EXO1: variants seen among roughly 807,000 people sequenced by gnomAD.
The protein encoded by EXO1 is exonuclease 1.
In EXO1, 69 loss-of-function variants were observed where a neutral mutation model predicts 84.5. That is an observed-to-expected ratio of 0.82 (90% CI 0.67 to 1.00). The LOEUF (loss-of-function observed/expected upper bound fraction) is 1.00, where lower values mean the gene tolerates loss of function less well. Among genes scored for constraint, EXO1 ranks in the 50% least tolerant of loss-of-function variants. EXO1 has a pLI of 0.00. For missense variants in EXO1, 1,045 were observed against 1,000.7 expected (o/e 1.04, Z -0.60); for synonymous variants, 373 against 366.1 (o/e 1.02, Z -0.21).
Position 241,879,430 on chromosome 1 carries a change from T to C in EXO1, c.2109+87T>C, listed in dbSNP as rs139127759. On this transcript the variant is annotated intron_variant, in intron 13 of 15. Transcript: ENST00000366548. ...TCAAACTGAGGAAATTTTTCCTACATGTGAATGACGAGCTATATTATTTTT... is the reference window on the plus strand; with the variant it reads ...TCAAACTGAGGAAATTTTTCCTACACGTGAATGACGAGCTATATTATTTTT... 6.2e-3 allele frequency: 4,710 copies of C among 754,340 alleles called. 24 individuals carry two copies. The highest frequency in any genetic ancestry group is 8.6e-3 in the Non-Finnish European group (3,873 of 451,486). The allele number at this position is 754,340 out of a possible 1,614,324, so 46.7% of individuals were successfully genotyped here. A position where few individuals can be genotyped will look rare whatever the true frequency, so the allele number is the denominator to read the frequency against.
rs79036854 is a variant in EXO1, at chr1:241,853,435, C to T, written c.359C>T (p.Thr120Ile). 1 of 1,613,934 alleles carries T rather than the reference C, an allele frequency of 6.2e-7. No homozygotes were observed. Among genetic ancestry groups the T allele is most frequent in the African/African-American group, 1.3e-5 (1 of 74,992 alleles). Reference protein sequence around the residue: ...GKVSEARECFTRSINITHAMA... With the variant: ...GKVSEARECFIRSINITHAMA... Reference sequence around the variant, plus strand: ...GTCTCGGAAGCTCGAGAGTGTTTCACCCGGTCTATCAATATCACACATGCC... The same window carrying T: ...GTCTCGGAAGCTCGAGAGTGTTTCATCCGGTCTATCAATATCACACATGCC... Residue 120 changes from threonine (T) to isoleucine (I), a missense_variant, in exon 6 of 16, where the codon ACC becomes ATC. Thr to Ile is a moderately conservative substitution (Grantham distance 89). Transcript: ENST00000366548.
At position 241,867,014 on chromosome 1, in the gene EXO1, A is replaced by C; in HGVS notation, c.1226A>C (p.Asn409Thr). 2 of 1,614,104 alleles carry C rather than the reference A, an allele frequency of 1.2e-6. No homozygotes were observed. Among genetic ancestry groups the C allele is most frequent in the Non-Finnish European group, 1.7e-6 (2 of 1,179,952 alleles). Residue 409 changes from asparagine to threonine, a missense_variant, in exon 11 of 16, where the codon AAT becomes ACT. Coordinates refer to ENST00000366548, the MANE Select transcript of EXO1 (RefSeq NM_130398.4). ...CGAGTGATTAGTACTAAAGGGTTAA[A>C]TCTCCCAAGGAAATCATCCATTGTG... Reference protein sequence around the residue: ...VERVISTKGLNLPRKSSIVKR... With the variant: ...VERVISTKGLTLPRKSSIVKR...
chr1:241,861,516 G>T lies in EXO1; in HGVS notation c.1041+14G>T, dbSNP rs1346363567. 3 of 1,352,774 alleles carry T rather than the reference G, an allele frequency of 2.2e-6. No individual in the cohort carries two copies. Among genetic ancestry groups the T allele is most frequent in the South Asian group, 2.3e-5 (2 of 85,850 alleles). The allele number at this position is 1,352,774 out of a possible 1,614,324, so 83.8% of individuals were successfully genotyped here. On this transcript the variant is annotated intron_variant, in intron 10 of 15. Coordinates refer to ENST00000366548, the MANE Select transcript of EXO1 (RefSeq NM_130398.4). ...GACACTGCTATGGTAACGTTTTGAT[G>T]ACCACCCTATGAAAACACGTTTTAG...
intron 6 of EXO1, among the ~76,000 whole-genome samples, chr1:241,855,483 A>C (rs1411211131): frequency 6.6e-6 from 1 of 152,190 alleles, no homozygotes; most frequent in African/African-American, 2.4e-5. Context: ...AAGATTCTCC[A>C]AGGCCCCACC....
At position 241,848,514 on chromosome 1, in the gene EXO1, T is replaced by A. The variant is rs1475584153; in HGVS notation, c.-420+161T>A. ...CCAACAGCGGAGCCCTTAGCCTGAG[T>A]GGAGTATGTGTTTTGTTCCGAGGGG... On this transcript the variant is annotated intron_variant, in intron 1 of 15. Transcript: ENST00000366548. This position sits in a 1 kb window ranked among gnomAD's most constrained non-coding sequence, Gnocchi z 4.2. 6.6e-6 allele frequency among the ~76,000 whole-genome samples: 1 copy of A among 151,714 alleles called. No homozygotes were observed. Among genetic ancestry groups the A allele is most frequent in the Non-Finnish European group, 1.5e-5 (1 of 67,922 alleles).
intron 12 of EXO1, among the ~76,000 whole-genome samples, chr1:241,874,142 A>AT (rs1662266112): frequency 6.6e-6 from 1 of 152,160 alleles, no homozygotes; most frequent in African/African-American, 2.4e-5. Context: ...GCTCATGCCT[A>AT]TAATCCCAGC....
chr1:241,862,037 C>A (rs1015089001), intron 10 of EXO1, among the ~76,000 whole-genome samples: 2 of 152,168 alleles, frequency 1.3e-5, no homozygotes, highest in East Asian at 3.9e-4. Context: ...CTCCCAGGTT[C>A]GAGCAATTCT....
intron 14 of EXO1, among the ~76,000 whole-genome samples, chr1:241,882,696 ATGTGTTTAACCTCATTTGTTTAACCG>A (rs952737860): frequency 1.3e-5 from 2 of 152,154 alleles, no homozygotes; most frequent in Non-Finnish European, 2.9e-5. Context: ...GTTGATTAAT[ATGTGTTTAACCTCATTTGTTTAACCG>A]TATGTTTAAC....
intron 11 of EXO1, among the ~76,000 whole-genome samples, chr1:241,870,700 T>C (rs1662034476): frequency 6.6e-6 from 1 of 152,244 alleles, no homozygotes; most frequent in South Asian, 2.1e-4. Context: ...TAATCTTAAT[T>C]CATTTTAGTT....
intron 11 of EXO1, among the ~76,000 whole-genome samples, chr1:241,868,789 C>T (rs1257700212): frequency 6.6e-6 from 1 of 152,146 alleles, no homozygotes; most frequent in African/African-American, 2.4e-5. Context: ...TGCTTTGTAG[C>T]TTTCATTGTA....
At chr1:241,882,293 T>C (rs571153317) in intron 14 of EXO1, among the ~76,000 whole-genome samples, 61 of 152,244 alleles carry the variant, frequency 4.0e-4, no homozygotes, top group East Asian at 2.1e-3. Flanking sequence ...AATCCCCTTA[T>C]TTTTGTCATT....
At position 241,866,835 on chromosome 1, in the gene EXO1, C is replaced by T. The variant is rs183040380; in HGVS notation, c.1047C>T (p.Ala349=). The change falls in exon 11 of 16, where the codon GCC becomes GCT. Residue 349 remains alanine, a synonymous_variant. Transcript: ENST00000366548. The part of the protein sequence containing the change: ...DDYNPDTAMP[A]HSRSHSWDDK... ...TTTTCCTTTTCCTTTTCTAGCCTGC[C>T]CATTCAAGAAGTCATAGTTGGGATG... is the stretch of plus-strand genomic sequence containing the variant. 5 of 1,604,056 alleles carry T rather than the reference C, an allele frequency of 3.1e-6. No homozygotes were observed. The highest frequency in any genetic ancestry group is 1.7e-5 in the Admixed American group (1 of 59,986).
intron 11 of EXO1, among the ~76,000 whole-genome samples, chr1:241,867,994 G>A (rs1356936944): frequency 6.7e-6 from 1 of 150,234 alleles, no homozygotes; most frequent in Non-Finnish European, 1.5e-5. Flanking sequence ...CAACTGCAAC[G>A]TTTTGGGAGG....
intron 12 of EXO1, among the ~76,000 whole-genome samples, chr1:241,877,745 G>A (rs1662478043): frequency 1.3e-5 from 2 of 151,788 alleles, no homozygotes; most frequent in Non-Finnish European, 2.9e-5. Context: ...CTGCTATACT[G>A]AATAAGTAAT....
intron 10 of EXO1, among the ~76,000 whole-genome samples, chr1:241,862,457 T>C (rs1279160340): frequency 1.3e-5 from 2 of 152,176 alleles, no homozygotes; most frequent in Non-Finnish European, 2.9e-5. Flanking sequence ...AACCACAGAA[T>C]TCTCACTGTC....
chr1:241,864,470 G>T (rs1159647678), intron 10 of EXO1, among the ~76,000 whole-genome samples: 1 of 152,178 alleles, frequency 6.6e-6, no homozygotes, highest in Non-Finnish European at 1.5e-5. Flanking sequence ...CTCTTTGTGG[G>T]TTTCAAAAGT....
Position 241,850,580 on chromosome 1 carries a change from C to G in EXO1, c.155C>G (p.Thr52Ser). 1.2e-6 allele frequency: 2 copies of G among 1,613,306 alleles called. No homozygotes were observed. The highest frequency in any genetic ancestry group is 4.5e-5 in the East Asian group (2 of 44,840). Reference sequence around the variant, plus strand: ...GAAAAACTAGCCAAAGGTGAACCTACTGATAGGTAAGTCTGGACCTTATGT... The same window carrying G: ...GAAAAACTAGCCAAAGGTGAACCTAGTGATAGGTAAGTCTGGACCTTATGT... ...CAEKLAKGEP[T>S]DRYVGFCMKF... The change falls in exon 4 of 16, where the codon ACT becomes AGT. Residue 52 changes from threonine (T) to serine (S), a missense_variant. Transcript: ENST00000366548.
intron 3 of EXO1, 106 bp from the exon 4 acceptor site, chr1:241,850,303 C>T: frequency 5.0e-6 from 4 of 800,850 alleles, no homozygotes; most frequent in Non-Finnish European, 6.0e-6. Context: ...AACAACAAAC[C>T]AATTTCTGCA....
chr1:241,875,306 G>C (rs2148494177), intron 12 of EXO1, among the ~76,000 whole-genome samples: 1 of 152,164 alleles, frequency 6.6e-6, no homozygotes, highest in Admixed American at 6.5e-5. Context: ...ACTCTGCCCT[G>C]TTTTTCAAGT....
Sources: gnomAD v4.1 joint callset for allele counts (sites outside exome capture counted in the v4.1 genomes callset) on GRCh38, gnomAD v4.1.1 for gene constraint, Gnocchi (gnomAD v3.1) non-coding constraint, MANE v1.5 for transcripts, NCBI Gene and HGNC (gene_info 2026-07-23, HGNC 2026-07-21) for gene names.